Variants in ADAMTSL1 observed in about 807,000 individuals in gnomAD.
The protein encoded by ADAMTSL1 is ADAMTS-like protein 1.
ADAMTSL1 carries 126 observed loss-of-function variants against 201.8 expected under a neutral mutation model. That is an observed-to-expected ratio of 0.62 (90% CI 0.54 to 0.72). The LOEUF (loss-of-function observed/expected upper bound fraction) is 0.72, where lower values mean the gene tolerates loss of function less well. Ranked by LOEUF, ADAMTSL1 falls within the 30% of genes least tolerant of loss-of-function variation. The probability of loss-of-function intolerance (pLI) is 0.00; values close to 1 mark genes in which losing one functional copy is unlikely to be tolerated. For missense variants in ADAMTSL1, 2,679 were observed against 2,277.8 expected, an observed-to-expected ratio of 1.18 and a Z score of -3.59; for synonymous variants, 1,121 against 903.4, an observed-to-expected ratio of 1.24 and a Z score of -4.32.
chr9:18,332,687 A>G (rs1835081994), intron 2 of ADAMTSL1, among the ~76,000 whole-genome samples: 1 of 152,184 alleles, frequency 6.6e-6, no homozygotes, highest in Non-Finnish European at 1.5e-5. Flanking sequence ...TTTGTTGATA[A>G]CTACACAGTT....
intron 23 of ADAMTSL1, among the ~76,000 whole-genome samples, chr9:18,851,472 C>T (rs985173508): frequency 6.6e-6 from 1 of 152,092 alleles, no homozygotes; most frequent in Non-Finnish European, 1.5e-5. Context: ...ATTCCAGGAG[C>T]ATAAGGCAGA....
intron 21 of ADAMTSL1, among the ~76,000 whole-genome samples, chr9:18,818,326 G>T (rs972738321): frequency 2.0e-5 from 3 of 152,002 alleles, no homozygotes; most frequent in African/African-American, 7.3e-5. Context: ...CCATGCTTTG[G>T]TGGTTGCTTC....
intron 2 of ADAMTSL1, among the ~76,000 whole-genome samples, chr9:18,237,027 AT>A (rs1211983495): frequency 6.6e-6 from 1 of 152,212 alleles, no homozygotes; most frequent in Non-Finnish European, 1.5e-5. Flanking sequence ...TGCCCTATAC[AT>A]TTTTAAGCTG....
At chr9:18,876,824 G>A (rs1035462967) in intron 23 of ADAMTSL1, among the ~76,000 whole-genome samples, 6 of 152,166 alleles carry the variant, frequency 3.9e-5, no homozygotes, top group East Asian at 1.9e-4. Context: ...AGTTTTCCTC[G>A]ATTATTCCCT....
intron 3 of ADAMTSL1, among the ~76,000 whole-genome samples, chr9:18,573,541 C>G (rs938576448): frequency 6.6e-6 from 1 of 152,158 alleles, no homozygotes; most frequent in East Asian, 1.9e-4. Context: ...CAAAAAATTA[C>G]AACTCCACAA....
intron 2 of ADAMTSL1, among the ~76,000 whole-genome samples, chr9:18,275,557 T>G (rs1026885296): frequency 2.0e-5 from 3 of 152,172 alleles, no homozygotes; most frequent in Non-Finnish European, 4.4e-5. Context: ...GATCTGGTTT[T>G]TTTTGCCACT....
chr9:18,393,031 C>T (rs1014802191), intron 2 of ADAMTSL1, among the ~76,000 whole-genome samples: 6 of 152,070 alleles, frequency 3.9e-5, no homozygotes, highest in Non-Finnish European at 8.8e-5. Context: ...GTGTAAGGGG[C>T]ACATAATTTT....
chr9:18,238,035 G>C (rs1324192439), intron 2 of ADAMTSL1, among the ~76,000 whole-genome samples: 1 of 152,210 alleles, frequency 6.6e-6, no homozygotes, highest in African/African-American at 2.4e-5. Flanking sequence ...TTTCCCTGAA[G>C]AACCACTTTT....
rs922709958 is a variant in ADAMTSL1 at position 18,891,755 on chromosome 9, C to T, written c.4644-634C>T. ...GCACTACCAGACAAAACCTTGACTT[C>T]AGTGAGGCCCAGATTACTTTCCAGG... On this transcript the variant is annotated intron_variant, in intron 25 of 28. Transcript: ENST00000380548. 2.0e-5 allele frequency among the ~76,000 whole-genome samples: 3 copies of T among 152,346 alleles called. No individual in the cohort carries two copies. The South Asian group carries it at 6.2e-4, about 32-fold the overall frequency.
chr9:18,889,421 G>T, intron 24 of ADAMTSL1, 147 bp from the exon 25 acceptor site: 1 of 837,548 alleles, frequency 1.2e-6, no homozygotes, highest in Non-Finnish European at 1.8e-6. Flanking sequence ...GGTTCCCTGC[G>T]AGGAGCAGGG....
intron 13 of ADAMTSL1, among the ~76,000 whole-genome samples, chr9:18,698,206 G>A (rs1278304188): frequency 6.6e-6 from 1 of 152,168 alleles, no homozygotes; most frequent in African/African-American, 2.4e-5. Context: ...CATGTACACT[G>A]ATGGTATTTG....
intron 2 of ADAMTSL1, among the ~76,000 whole-genome samples, chr9:18,339,589 C>A (rs1181403172): frequency 6.6e-6 from 1 of 152,150 alleles, no homozygotes; most frequent in African/African-American, 2.4e-5. Context: ...TTTGTCACAG[C>A]AATCCCATTT....
chr9:17,962,998 T>C (rs1182120260), intron 1 of ADAMTSL1, among the ~76,000 whole-genome samples: 2 of 152,252 alleles, frequency 1.3e-5, no homozygotes, highest in African/African-American at 4.8e-5. Flanking sequence ...GGATTCCCTG[T>C]GACCTTCGGG....
chr9:18,127,776 G>A (rs146363621), intron 1 of ADAMTSL1, among the ~76,000 whole-genome samples: 1 of 152,230 alleles, frequency 6.6e-6, no homozygotes, highest in African/African-American at 2.4e-5. Context: ...GTAGAAAATG[G>A]TCACCAGGAA....
At chr9:18,296,538 A>G (rs1833483626) in intron 2 of ADAMTSL1, among the ~76,000 whole-genome samples, 3 of 152,202 alleles carry the variant, frequency 2.0e-5, no homozygotes, top group Non-Finnish European at 2.9e-5. Flanking sequence ...GGATGCATAT[A>G]CATATAAATA....
At chr9:18,075,521 A>G (rs1217243361) in intron 1 of ADAMTSL1, among the ~76,000 whole-genome samples, 1 of 152,208 alleles carries the variant, frequency 6.6e-6, no homozygotes, top group Non-Finnish European at 1.5e-5. Flanking sequence ...CAGTTTCAAT[A>G]TAAAAGTTTT....
intron 20 of ADAMTSL1, among the ~76,000 whole-genome samples, chr9:18,801,516 C>T (rs540249491): frequency 8.5e-5 from 13 of 152,180 alleles, no homozygotes; most frequent in East Asian, 5.8e-4. Flanking sequence ...TTTTCAGCTC[C>T]GCTCTCTCCT....
intron 1 of ADAMTSL1, among the ~76,000 whole-genome samples, chr9:18,146,443 T>A (rs1206812781): frequency 6.6e-6 from 1 of 152,156 alleles, no homozygotes; most frequent in Non-Finnish European, 1.5e-5. Context: ...AAATACATAT[T>A]GCCGAGAAAA....
intron 15 of ADAMTSL1, among the ~76,000 whole-genome samples, chr9:18,729,999 A>C (rs1434406853): frequency 6.6e-6 from 1 of 152,154 alleles, no homozygotes; most frequent in African/African-American, 2.4e-5. Flanking sequence ...AAATCAATCA[A>C]CAGTAGCAGA....
Sources: gnomAD v4.1 joint callset for allele counts (sites outside exome capture counted in the v4.1 genomes callset) on GRCh38, gnomAD v4.1.1 for gene constraint, MANE v1.5 for transcripts, NCBI Gene and HGNC (gene_info 2026-07-23, HGNC 2026-07-21) for gene names.